CFAP46: variants seen among roughly 807,000 people sequenced by gnomAD.
The protein encoded by CFAP46 is cilia and flagella associated protein 46, also known as cilia- and flagella-associated protein 46.
CFAP46 carries 245 observed loss-of-function variants against 325.7 expected under a neutral mutation model. That is an observed-to-expected ratio of 0.75 (90% CI 0.68 to 0.84). The LOEUF is 0.84. Ranked by LOEUF, CFAP46 falls within the 40% of genes least tolerant of loss-of-function variation. CFAP46 has a pLI of 0.00. For synonymous variants in CFAP46, 1,523 were observed against 1,495.9 expected (o/e 1.02, Z -0.42); for missense variants, 3,346 against 3,543.0 (o/e 0.94, Z 1.41).
intron 5 of CFAP46, among the ~76,000 whole-genome samples, chr10:132,938,282 T>C (rs1329623529): frequency 6.6e-6 from 1 of 152,194 alleles, no homozygotes; most frequent in Non-Finnish European, 1.5e-5. Flanking sequence ...TTTTAAGAAC[T>C]AAGATTGTAA....
Position 132,887,562 on chromosome 10 carries a change from TCTCTC to T in CFAP46, c.3305-1608_3305-1604del, listed in dbSNP as rs149439759. The stretch of plus-strand genomic sequence containing the variant: ...CCCTCTTCTCTCCTCTCCCTTCTTC[TCTCTC>T]CTCTCCTCTCCCCTCTTCTCTCCTC... On this transcript the variant is annotated intron_variant, in intron 25 of 57. Transcript: ENST00000368586. Among the ~76,000 whole-genome samples the T allele has an allele frequency of 1.1e-3, 70 of 66,270 alleles. 4 individuals carry two copies. The highest frequency in any genetic ancestry group is 1.6e-3 in the African/African-American group (25 of 16,100). The allele number at this position is 66,270 out of a possible 152,430, so 43.5% of individuals were successfully genotyped here.
chr10:132,833,904 G>A (rs905191598), intron 49 of CFAP46, 137 bp downstream of exon 49: 7 of 768,424 alleles, frequency 9.1e-6, no homozygotes, highest in Non-Finnish European at 1.5e-5. Context: ...GGCCTCAGGG[G>A]AAGGAGCAGC....
rs369687816 is a variant in CFAP46 at position 132,822,577 on chromosome 10, G to T, written c.7118-7663C>A. Among the ~76,000 whole-genome samples the T allele has an allele frequency of 2.1e-3, 287 of 138,110 alleles. 1 individual carries two copies. The highest frequency in any genetic ancestry group is 4.3e-3 in the Middle Eastern group (1 of 230). 90.6% of individuals were successfully genotyped at this position (138,110 alleles called of 152,430 possible). A position where few individuals can be genotyped will look rare whatever the true frequency, so the allele number is the denominator to read the frequency against. ...GTGTGCGCTGATGTGTGCTGTGTGT[G>T]TGCTGTGTGCTGTGTGAGTGCTGAT... On this transcript the variant is annotated intron_variant, in intron 50 of 57. Transcript: ENST00000368586.
chr10:132,900,688 G>C (rs528472922), intron 22 of CFAP46, among the ~76,000 whole-genome samples: 12 of 152,374 alleles, frequency 7.9e-5, no homozygotes, highest in African/African-American at 2.4e-4. Flanking sequence ...TGGCGACCTA[G>C]GCAGGGCAGG....
In CFAP46 at chr10:132,909,250, G is replaced by C. The variant is rs1413963274; in HGVS notation, c.2650-6C>G. 6.5e-7 allele frequency: 1 copy of C among 1,547,454 alleles called. No homozygotes were observed. Among genetic ancestry groups the C allele is most frequent in the Non-Finnish European group, 8.7e-7 (1 of 1,144,430 alleles). On this transcript the variant is annotated splice_polypyrimidine_tract_variant and splice_region_variant and intron_variant, in intron 20 of 57. Transcript: ENST00000368586. ...CTGACATCCTCATTGGTGCCCTGGTGGGGAGGATGCCCTGAGTGTATCAGC... is the reference window on the plus strand; with the variant it reads ...CTGACATCCTCATTGGTGCCCTGGTCGGGAGGATGCCCTGAGTGTATCAGC...
intron 8 of CFAP46, among the ~76,000 whole-genome samples, chr10:132,930,146 T>C (rs761949755): frequency 3.7e-4 from 57 of 152,092 alleles, no homozygotes; most frequent in Non-Finnish European, 5.7e-4. Flanking sequence ...TCAAAGCCAT[T>C]GCATTGCACA....
intron 39 of CFAP46, among the ~76,000 whole-genome samples, chr10:132,853,510 T>G (rs1373419171): frequency 2.0e-5 from 3 of 152,236 alleles, no homozygotes; most frequent in Non-Finnish European, 2.9e-5. Context: ...TGTTTTGGTA[T>G]CAAGGTAATA....
At chr10:132,926,923 G>A (rs566592759) in intron 9 of CFAP46, among the ~76,000 whole-genome samples, 1 of 152,308 alleles carries the variant, frequency 6.6e-6, no homozygotes, top group Non-Finnish European at 1.5e-5. Context: ...CCCTTTTCAG[G>A]GGCCTTGTCC....
Position 132,886,052 on chromosome 10 carries a change from C to T in CFAP46, c.3305-93G>A. On this transcript the variant is annotated intron_variant, in intron 25 of 57. Transcript: ENST00000368586. The surrounding 1 kb of genome is among the most constrained non-coding windows in gnomAD (Gnocchi z 5.8). ...CCAGACTAAGCTGCCCATCACAGTG[C>T]CCCTGAGGTGGAACCGCGGCTACAG... is the stretch of plus-strand genomic sequence containing the variant. The T allele has an allele frequency of 1.4e-6, 2 of 1,466,468 alleles. No homozygotes were observed. The highest frequency in any genetic ancestry group is 1.4e-5 in the African/African-American group (1 of 71,678). 90.8% of individuals were successfully genotyped at this position (1,466,468 alleles called of 1,614,324 possible).
rs1198739995 is a variant in CFAP46, at chr10:132,886,895, C to T, written c.3305-936G>A. On this transcript the variant is annotated intron_variant, in intron 25 of 57. Coordinates refer to ENST00000368586, the MANE Select transcript of CFAP46 (RefSeq NM_001200049.3). This position sits in a 1 kb window ranked among gnomAD's most constrained non-coding sequence, Gnocchi z 5.8. ...TGACGCGTCCCCTCCCCGTCATGGG[C>T]GCTGCCCAGCCCAGCCTGCACACCC... 6.6e-6 allele frequency among the ~76,000 whole-genome samples: 1 copy of T among 152,032 alleles called. No individual in the cohort carries two copies. Among genetic ancestry groups the T allele is most frequent in the Admixed American group, 6.5e-5 (1 of 15,284 alleles).
In CFAP46 at chr10:132,877,624, C is replaced by T. The variant is rs4880457; in HGVS notation, c.4212+257G>A. The stretch of plus-strand genomic sequence containing the variant: ...GCCAGGGTGCTTTACAGACATTCCC[C>T]TGTATTGTCCTCCAAGAACCCTGAC... On this transcript the variant is annotated intron_variant, in intron 30 of 57. Coordinates refer to ENST00000368586, the MANE Select transcript of CFAP46 (RefSeq NM_001200049.3). The surrounding 1 kb of genome is among the most constrained non-coding windows in gnomAD (Gnocchi z 5.7). Among the ~76,000 whole-genome samples the T allele has an allele frequency of 0.48, 73,511 of 151,804 alleles. 18,362 individuals are homozygous for T. Among genetic ancestry groups the T allele is most frequent in the African/African-American group, 0.58 (23,837 of 41,396 alleles).
Position 132,926,657 on chromosome 10 carries a change from T to C in CFAP46, c.976A>G (p.Lys326Glu). ...TCCAGACATTCCATTTCAATAAGCT[T>C]CCCAGGATCCTGCAGATATAAACAG... Reference protein sequence around the residue: ...LKKMESKDPGKLIEMECLECE... With the variant: ...LKKMESKDPGELIEMECLECE... The change falls in exon 10 of 58, where the codon AAG becomes GAG. Residue 326 changes from lysine to glutamate, a missense_variant. Transcript: ENST00000368586. 1.3e-6 allele frequency: 2 copies of C among 1,535,642 alleles called. No individual in the cohort carries two copies. Among genetic ancestry groups the C allele is most frequent in the Non-Finnish European group, 1.7e-6 (2 of 1,146,406 alleles).
At chr10:132,870,487 T>A (rs1214878346) in intron 32 of CFAP46, among the ~76,000 whole-genome samples, 1 of 152,086 alleles carries the variant, frequency 6.6e-6, no homozygotes, top group East Asian at 1.9e-4. Flanking sequence ...AAGGGAAAGT[T>A]CTGAAAGGAA....
At chr10:132,810,369 G>A in intron 57 of CFAP46, 40 bp downstream of exon 57, 1 of 1,569,334 alleles carries the variant, frequency 6.4e-7, no homozygotes, top group Non-Finnish European at 8.8e-7. Context: ...GGCTGCAGAG[G>A]GTGCTGAAGG....
intron 17 of CFAP46, among the ~76,000 whole-genome samples, chr10:132,913,844 C>T (rs1849596853): frequency 6.6e-6 from 1 of 152,052 alleles, no homozygotes; most frequent in Non-Finnish European, 1.5e-5. Context: ...CACCCAGCCC[C>T]CCGCCGGCCT....
chr10:132,854,645 G>GT lies in CFAP46; in HGVS notation c.5574+2944_5574+2945insA, dbSNP rs111622147. 7.2e-3 allele frequency among the ~76,000 whole-genome samples: 1,091 copies of GT among 151,576 alleles called. 15 individuals carry two copies. Among genetic ancestry groups the GT allele is most frequent in the African/African-American group, 0.024 (987 of 41,254 alleles). ...AGCCACTGTGCCCGGCCAGCTTTCT[G>GT]GTTTTTTTTAATTGAGGTAAAAGTC... On this transcript the variant is annotated intron_variant, in intron 39 of 57. Transcript: ENST00000368586.
chr10:132,941,470 A>G (rs1376526623), intron 3 of CFAP46, 121 bp downstream of exon 3: 1 of 1,329,316 alleles, frequency 7.5e-7, no homozygotes, highest in East Asian at 2.4e-5. Flanking sequence ...GTCACTCTGG[A>G]AAGGAATTCC....
intron 32 of CFAP46, chr10:132,872,453 C>T (rs1274145790): frequency 1.8e-6 from 1 of 545,864 alleles, no homozygotes; most frequent in Non-Finnish European, 3.2e-6. Flanking sequence ...GAGATGGGGT[C>T]TTGCTATGTT....
At chr10:132,941,267 G>A (rs916282137) in intron 3 of CFAP46, among the ~76,000 whole-genome samples, 3 of 152,148 alleles carry the variant, frequency 2.0e-5, no homozygotes, top group African/African-American at 4.8e-5. Flanking sequence ...CAGACACAGC[G>A]AGGCAGCAGA....
Sources: allele counts gnomAD v4.1 joint callset (sites outside exome capture counted in the v4.1 genomes callset), GRCh38; gene constraint gnomAD v4.1.1; non-coding constraint Gnocchi (gnomAD v3.1); transcripts MANE v1.5; gene names NCBI Gene and HGNC (gene_info 2026-07-23, HGNC 2026-07-21).